Variants in NDST3 observed in about 807,000 individuals in gnomAD.
NDST3 encodes the protein bifunctional heparan sulfate N-deacetylase/N-sulfotransferase 3.
NDST3 carries 58 observed loss-of-function variants against 96.1 expected under a neutral mutation model. The ratio of observed to expected loss-of-function variants is 0.60; its 90% CI spans 0.49 to 0.75. The LOEUF is 0.75. Among genes scored for constraint, NDST3 ranks in the 30% least tolerant of loss-of-function variants. The probability of loss-of-function intolerance (pLI) is 0.00; values close to 1 mark genes in which losing one functional copy is unlikely to be tolerated. For missense variants in NDST3, 788 were observed against 1,034.2 expected, an observed-to-expected ratio of 0.76 and a Z score of 3.27; for synonymous variants, 333 against 359.7, an observed-to-expected ratio of 0.93 and a Z score of 0.84.
At chr4:118,139,718 G>A (rs983941020) in intron 5 of NDST3, among the ~76,000 whole-genome samples, 5 of 152,052 alleles carry the variant, frequency 3.3e-5, no homozygotes, top group South Asian at 2.1e-4. Context: ...CCTTCGAACC[G>A]GCTATTGATT....
chr4:118,043,959 A>G (rs1724610533), intron 1 of NDST3, among the ~76,000 whole-genome samples: 1 of 152,246 alleles, frequency 6.6e-6, no homozygotes, highest in South Asian at 2.1e-4. Context: ...AGAGCTTAAT[A>G]GAAAAGAAAT....
intron 4 of NDST3, among the ~76,000 whole-genome samples, chr4:118,125,153 C>T (rs189595371): frequency 4.6e-5 from 7 of 152,220 alleles, no homozygotes; most frequent in Admixed American, 3.3e-4. Flanking sequence ...CCTGGCATGA[C>T]TAACCTTCAT....
intron 6 of NDST3, among the ~76,000 whole-genome samples, chr4:118,150,405 G>C (rs371483798): frequency 1.3e-5 from 2 of 152,038 alleles, no homozygotes; most frequent in African/African-American, 2.4e-5. Flanking sequence ...TTAAACTCAA[G>C]AGCTTCTGCA....
At chr4:118,154,246 G>A (rs1219769659) in intron 6 of NDST3, among the ~76,000 whole-genome samples, 2 of 152,076 alleles carry the variant, frequency 1.3e-5, no homozygotes, top group African/African-American at 4.8e-5. Flanking sequence ...CACATATGTT[G>A]CCTAACACCT....
intron 9 of NDST3, among the ~76,000 whole-genome samples, chr4:118,235,525 G>C (rs1379833076): frequency 6.6e-6 from 1 of 152,122 alleles, no homozygotes; most frequent in African/African-American, 2.4e-5. Context: ...AACTGTTCCA[G>C]ATACAAAAGA....
intron 5 of NDST3, among the ~76,000 whole-genome samples, chr4:118,141,804 CAT>C (rs1029325645): frequency 6.6e-6 from 1 of 151,820 alleles, no homozygotes; most frequent in Non-Finnish European, 1.5e-5. Flanking sequence ...GAGTAGAAAA[CAT>C]ATATCTTTCT....
At chr4:118,153,933 G>A (rs552224123) in intron 6 of NDST3, among the ~76,000 whole-genome samples, 1 of 152,032 alleles carries the variant, frequency 6.6e-6, no homozygotes, top group Middle Eastern at 3.4e-3. Context: ...AAACTAGAAA[G>A]AACTCAGCAG....
chr4:118,058,582 G>T (rs1560612712), intron 2 of NDST3, among the ~76,000 whole-genome samples: 1 of 151,060 alleles, frequency 6.6e-6, no homozygotes, highest in Non-Finnish European at 1.5e-5. Context: ...CAGTGAAATT[G>T]AAGTCAGGAA....
intron 3 of NDST3, among the ~76,000 whole-genome samples, chr4:118,112,575 C>G (rs1164225625): frequency 6.6e-6 from 1 of 152,130 alleles, no homozygotes; most frequent in East Asian, 1.9e-4. Context: ...AAATGTTAAG[C>G]AACAGGGGAG....
At chr4:118,220,245 G>A (rs751011768) in intron 6 of NDST3, among the ~76,000 whole-genome samples, 4 of 151,996 alleles carry the variant, frequency 2.6e-5, no homozygotes, top group Non-Finnish European at 4.4e-5. Context: ...AGAAAATGTG[G>A]TACATATAAA....
chr4:118,043,704 T>G (rs185311425), intron 1 of NDST3, among the ~76,000 whole-genome samples: 2 of 152,264 alleles, frequency 1.3e-5, no homozygotes, highest in African/African-American at 4.8e-5. Flanking sequence ...CATCCTGAAG[T>G]TTTCAGAGCT....
At chr4:118,093,071 G>C (rs146224406) in intron 2 of NDST3, among the ~76,000 whole-genome samples, 295 of 151,806 alleles carry the variant, frequency 1.9e-3, no homozygotes, top group Non-Finnish European at 3.3e-3. Flanking sequence ...ATAATCTTGT[G>C]TTTCCCTAAC....
chr4:118,034,135 G>A (rs924946684), upstream of NDST3, among the ~76,000 whole-genome samples: 2 of 152,210 alleles, frequency 1.3e-5, no homozygotes, highest in Admixed American at 6.5e-5. Context: ...CCTCTTGAGT[G>A]ACTGTGGGTT....
intron 6 of NDST3, among the ~76,000 whole-genome samples, chr4:118,224,112 T>C (rs1739717578): frequency 6.6e-6 from 1 of 152,148 alleles, no homozygotes; most frequent in African/African-American, 2.4e-5. Context: ...AGATTTTTCT[T>C]AAAGGAGATG....
At chr4:118,165,773 A>T (rs1735506476) in intron 6 of NDST3, among the ~76,000 whole-genome samples, 1 of 152,060 alleles carries the variant, frequency 6.6e-6, no homozygotes, top group Non-Finnish European at 1.5e-5. Flanking sequence ...ATGGGAAATT[A>T]ACAAATATGT....
intron 7 of NDST3, 90 bp from the exon 8 acceptor site, chr4:118,226,796 A>G: frequency 1.2e-6 from 1 of 868,620 alleles, no homozygotes; most frequent in Non-Finnish European, 1.8e-6. Flanking sequence ...GTTTCCTGGT[A>G]TACTTTTAAA....
At position 118,245,604 on chromosome 4, in the gene NDST3, T is replaced by C. The variant is rs10033678; in HGVS notation, c.2399+3455T>C. On this transcript the variant is annotated intron_variant, in intron 12 of 13. Coordinates refer to ENST00000296499, the MANE Select transcript of NDST3 (RefSeq NM_004784.3). ...TAGTACAAATGTACTACACTAAAAC[T>C]TTCTTATTAGCAAATTATAGTAGCC... 6.8e-3 allele frequency among the ~76,000 whole-genome samples: 1,037 copies of C among 152,310 alleles called. 12 individuals carry two copies. Among genetic ancestry groups the C allele is most frequent in the African/African-American group, 0.023 (976 of 41,576 alleles).
chr4:118,211,824 A>G (rs927064564), intron 6 of NDST3, among the ~76,000 whole-genome samples: 9 of 152,206 alleles, frequency 5.9e-5, no homozygotes, highest in African/African-American at 2.2e-4. Flanking sequence ...ATAAACTGCC[A>G]TGTACTATAA....
chr4:118,075,704 A>C (rs1212810129), intron 2 of NDST3, among the ~76,000 whole-genome samples: 1 of 151,926 alleles, frequency 6.6e-6, no homozygotes, highest in Non-Finnish European at 1.5e-5. Flanking sequence ...TTCTTTTGAA[A>C]AGTGTCTGTT....
Sources: allele counts gnomAD v4.1 joint callset (sites outside exome capture counted in the v4.1 genomes callset), GRCh38; gene constraint gnomAD v4.1.1; transcripts MANE v1.5; gene names NCBI Gene and HGNC (gene_info 2026-07-23, HGNC 2026-07-21).